ERC1: variants seen among roughly 807,000 people sequenced by gnomAD.
ERC1 encodes the protein ELKS/RAB6-interacting/CAST family member 1.
ERC1 carries 56 observed loss-of-function variants against 132.0 expected under a neutral mutation model. The ratio of observed to expected loss-of-function variants is 0.42; its 90% CI spans 0.34 to 0.53. The LOEUF is 0.53. Among genes scored for constraint, ERC1 ranks in the 20% least tolerant of loss-of-function variants. ERC1 has a pLI of 0.03. For missense variants in ERC1, 1,202 were observed against 1,349.9 expected (o/e 0.89, Z 1.72); for synonymous variants, 478 against 476.1 (o/e 1.00, Z -0.05).
At chr12:1,460,313 G>T (rs528050439) in intron 18 of ERC1, among the ~76,000 whole-genome samples, 1 of 152,262 alleles carries the variant, frequency 6.6e-6, no homozygotes, top group Non-Finnish European at 1.5e-5. Context: ...AGGCACAGGA[G>T]TATTGAAAAT....
intron 15 of ERC1, among the ~76,000 whole-genome samples, chr12:1,361,267 G>C (rs1044012026): frequency 8.0e-6 from 1 of 124,382 alleles, no homozygotes; most frequent in African/African-American, 3.0e-5. Flanking sequence ...GTGGGGTGGG[G>C]GGAGGGAGGA....
intron 12 of ERC1, among the ~76,000 whole-genome samples, chr12:1,225,879 T>G (rs1360375980): frequency 6.6e-6 from 1 of 152,164 alleles, no homozygotes; most frequent in East Asian, 1.9e-4. Context: ...AGAGCAAAAT[T>G]TTTGCATCTA....
intron 13 of ERC1, among the ~76,000 whole-genome samples, chr12:1,247,177 CCT>C (rs2076206502): frequency 1.3e-5 from 2 of 151,924 alleles, no homozygotes; most frequent in Admixed American, 1.3e-4. Context: ...TGCAGTAAGC[CCT>C]GTTTGCGCCA....
chr12:1,318,551 A>G (rs1241906053), intron 15 of ERC1, among the ~76,000 whole-genome samples: 1 of 152,212 alleles, frequency 6.6e-6, no homozygotes, highest in Non-Finnish European at 1.5e-5. Flanking sequence ...AAATTAAACA[A>G]AGTCAGGATT....
At chr12:1,173,010 T>G (rs1953250256) in intron 8 of ERC1, among the ~76,000 whole-genome samples, 1 of 152,204 alleles carries the variant, frequency 6.6e-6, no homozygotes, top group Non-Finnish European at 1.5e-5. Flanking sequence ...GATGTACTTT[T>G]CCATTTGCAG....
intron 1 of ERC1, among the ~76,000 whole-genome samples, chr12:1,004,418 T>C (rs1188720802): frequency 7.0e-6 from 1 of 142,104 alleles, no homozygotes; most frequent in Admixed American, 7.0e-5. Flanking sequence ...TTTTTTTTTT[T>C]TTTTTTGAGA....
At chr12:1,283,223 T>G (rs571922944) in intron 14 of ERC1, among the ~76,000 whole-genome samples, 1 of 152,258 alleles carries the variant, frequency 6.6e-6, no homozygotes, top group Non-Finnish European at 1.5e-5. Context: ...ATTATGTTAC[T>G]GAAGGCAGTT....
chr12:1,357,422 A>G (rs1435685810), intron 15 of ERC1, among the ~76,000 whole-genome samples: 2 of 152,250 alleles, frequency 1.3e-5, no homozygotes, highest in African/African-American at 4.8e-5. Flanking sequence ...ACAGTGACAA[A>G]GTGCAGAGAT....
chr12:1,121,414 A>G (rs1947068214), intron 7 of ERC1, among the ~76,000 whole-genome samples: 1 of 152,228 alleles, frequency 6.6e-6, no homozygotes, highest in South Asian at 2.1e-4. Flanking sequence ...AGCCACAAAG[A>G]AAGATGGGGA....
chr12:1,405,939 T>C (rs2154393586), intron 16 of ERC1, among the ~76,000 whole-genome samples: 1 of 152,256 alleles, frequency 6.6e-6, no homozygotes, highest in South Asian at 2.1e-4. Context: ...TAAATATATA[T>C]ACATATGTAT....
chr12:1,025,798 T>G (rs954346755), intron 1 of ERC1, among the ~76,000 whole-genome samples: 1 of 148,462 alleles, frequency 6.7e-6, no homozygotes, highest in Admixed American at 6.7e-5. Context: ...AGGAAAGTTT[T>G]TTTTTTTTTT....
At chr12:1,465,587 G>T (rs16928476) in intron 18 of ERC1, among the ~76,000 whole-genome samples, 9,674 of 152,266 alleles carry the variant, frequency 0.064, 380 homozygotes, top group African/African-American at 0.11. Context: ...GGGCATAACT[G>T]CCCAGGTGTA....
intron 2 of ERC1, among the ~76,000 whole-genome samples, chr12:1,036,641 G>T (rs1197791935): frequency 1.3e-5 from 2 of 152,174 alleles, no homozygotes; most frequent in Non-Finnish European, 2.9e-5. Context: ...CTCCCAAAGT[G>T]TTGGGATTAC....
chr12:1,297,963 A>C (rs1030449975), intron 15 of ERC1, among the ~76,000 whole-genome samples: 1 of 152,070 alleles, frequency 6.6e-6, no homozygotes, highest in Admixed American at 6.6e-5. Context: ...ATGGTGACTC[A>C]TGCCTGTGAT....
At chr12:1,093,945 AT>A (rs1943600068) in intron 3 of ERC1, among the ~76,000 whole-genome samples, 1 of 113,648 alleles carries the variant, frequency 8.8e-6, no homozygotes, top group Non-Finnish European at 1.8e-5. Flanking sequence ...CTATATAAAT[AT>A]ATATATTTTT....
At chr12:1,233,241 C>T (rs1296046901) in intron 12 of ERC1, among the ~76,000 whole-genome samples, 2 of 152,066 alleles carry the variant, frequency 1.3e-5, no homozygotes, top group Non-Finnish European at 2.9e-5. Flanking sequence ...GAGGCTGAGG[C>T]GGGTGGGTCA....
At chr12:1,333,330 ATTTTT>A (rs36055111) in intron 15 of ERC1, among the ~76,000 whole-genome samples, 13 of 110,718 alleles carry the variant, frequency 1.2e-4, no homozygotes, top group East Asian at 2.4e-4. Context: ...TATGTACCGC[ATTTTT>A]TTTTTTTTTT....
intron 7 of ERC1, among the ~76,000 whole-genome samples, chr12:1,116,826 C>T (rs1415252648): frequency 1.3e-5 from 2 of 152,138 alleles, no homozygotes. Context: ...CTTGATCCGC[C>T]CGCCTCTGCC....
At chr12:1,106,959 T>A (rs1053119006) in intron 4 of ERC1, among the ~76,000 whole-genome samples, 1 of 152,188 alleles carries the variant, frequency 6.6e-6, no homozygotes, top group Non-Finnish European at 1.5e-5. Context: ...TTGCTGAGAA[T>A]GTGGAATGAG....
Sources: gnomAD v4.1 joint callset for allele counts (sites outside exome capture counted in the v4.1 genomes callset) on GRCh38, gnomAD v4.1.1 for gene constraint, MANE v1.5 for transcripts, NCBI Gene and HGNC (gene_info 2026-07-23, HGNC 2026-07-21) for gene names.